Variants in GREB1 observed in about 807,000 individuals in gnomAD.
The protein encoded by GREB1 is growth regulating estrogen receptor binding 1.
Under a neutral mutation model 200.7 loss-of-function variants are expected in GREB1, and 106 were observed. The observed-to-expected ratio is 0.53, with a 90% CI of 0.45 to 0.62. GREB1 has a LOEUF of 0.62. Ranked by LOEUF, GREB1 falls within the 20% of genes least tolerant of loss-of-function variation. The pLI is 0.00. For missense variants in GREB1, 2,243 were observed against 2,556.8 expected, an observed-to-expected ratio of 0.88 and a Z score of 2.65; for synonymous variants, 1,132 against 1,092.4, an observed-to-expected ratio of 1.04 and a Z score of -0.72.
chr2:11,521,087 A>G (rs1206209292), intron 1 of GREB1, among the ~76,000 whole-genome samples: 5 of 151,968 alleles, frequency 3.3e-5, no homozygotes, highest in Non-Finnish European at 7.4e-5. Flanking sequence ...GGGAGGGATG[A>G]ATTTATGCTG....
In GREB1 at chr2:11,605,144, C is replaced by CTTTTTTTTTTTTTTTTTTTT. The variant is rs3035991; in HGVS notation, c.2666+2615_2666+2634dup. On this transcript the variant is annotated intron_variant, in intron 17 of 32. Transcript: ENST00000381486. ...TGGAGCTGGGCACCAGAGCCTGCTT[C>CTTTTTTTTTTTTTTTTTTTT]TTTTTTTTTTTTTTTTTTTTTTTTT... Among the ~76,000 whole-genome samples, 2 of 44,828 alleles carry CTTTTTTTTTTTTTTTTTTTT rather than the reference C, an allele frequency of 4.5e-5. 1 individual carries two copies. The highest frequency in any genetic ancestry group is 9.7e-5 in the Non-Finnish European group (2 of 20,584). 29.4% of individuals were successfully genotyped at this position (44,828 alleles called of 152,430 possible).
At chr2:11,571,294 A>G (rs1678259701) in intron 4 of GREB1, among the ~76,000 whole-genome samples, 1 of 152,066 alleles carries the variant, frequency 6.6e-6, no homozygotes, top group Non-Finnish European at 1.5e-5. Flanking sequence ...CATTATTTGG[A>G]AGGAACATAG....
intron 1 of GREB1, among the ~76,000 whole-genome samples, chr2:11,547,033 C>CCAA: frequency 6.6e-6 from 1 of 151,792 alleles, no homozygotes; most frequent in East Asian, 1.9e-4. Context: ...CAATCTCTGC[C>CCAA]TCCTGGGCTC....
chr2:11,637,838 C>T lies in GREB1; in HGVS notation c.5469C>T (p.His1823=). The T allele has an allele frequency of 1.2e-6, 2 of 1,614,250 alleles. No homozygotes were observed. The highest frequency in any genetic ancestry group is 2.2e-5 in the East Asian group (1 of 44,880). Residue 1823 remains histidine, a synonymous_variant, in exon 31 of 33, where the codon CAC becomes CAT. Coordinates refer to ENST00000381486, the MANE Select transcript of GREB1 (RefSeq NM_014668.4). ...AGAAGTTCCTGCAGCACCACAGCCACCTCTTCTTCCCGCTGTCCCTGAAGA... is the reference window on the plus strand; with the variant it reads ...AGAAGTTCCTGCAGCACCACAGCCATCTCTTCTTCCCGCTGTCCCTGAAGA... ...LLEKFLQHHS[H]LFFPLSLKNH... is the part of the protein sequence containing the mutation.
At position 11,598,840 on chromosome 2, in the gene GREB1, T is replaced by C. The variant is rs1206140673; in HGVS notation, c.2313T>C (p.His771=). The change falls in exon 15 of 33, where the codon CAT becomes CAC. Residue 771 remains histidine (H), a synonymous_variant. Coordinates refer to ENST00000381486, the MANE Select transcript of GREB1 (RefSeq NM_014668.4). The part of the protein sequence containing the change: ...PHTLFVLIHD[H]AHWDLVSSTV... The stretch of plus-strand genomic sequence containing the variant: ...CACTTTTTGTCCTAATCCATGACCA[T>C]GCGCACTGGGATCTTGTGAGGTTAG... 1.2e-6 allele frequency: 2 copies of C among 1,614,052 alleles called. No homozygotes were observed. Among genetic ancestry groups the C allele is most frequent in the Non-Finnish European group, 1.7e-6 (2 of 1,179,908 alleles).
chr2:11,564,278 C>T (rs1295950119), intron 3 of GREB1, among the ~76,000 whole-genome samples: 1 of 152,100 alleles, frequency 6.6e-6, no homozygotes, highest in East Asian at 1.9e-4. Context: ...GGACTCGGCC[C>T]TCGATGGGCT....
chr2:11,569,647 A>G (rs1678058980), intron 4 of GREB1, among the ~76,000 whole-genome samples: 2 of 152,372 alleles, frequency 1.3e-5, no homozygotes, highest in African/African-American at 4.8e-5. Flanking sequence ...AAAATAGCCA[A>G]TGCAGTGGGT....
At chr2:11,632,251 G>A in intron 27 of GREB1, 138 bp downstream of exon 27, 1 of 631,886 alleles carries the variant, frequency 1.6e-6, no homozygotes, top group Non-Finnish European at 2.8e-6. Context: ...CATTTTGTCT[G>A]ACTTTTTTAT....
At chr2:11,573,961 G>C (rs79412113) in intron 4 of GREB1, among the ~76,000 whole-genome samples, 2,016 of 152,320 alleles carry the variant, frequency 0.013, 36 homozygotes, top group African/African-American at 0.045. Flanking sequence ...TCTGTTTCCT[G>C]TTCATCCATC....
intron 4 of GREB1, among the ~76,000 whole-genome samples, chr2:11,572,939 T>C (rs1678458717): frequency 6.6e-6 from 1 of 152,156 alleles, no homozygotes; most frequent in Non-Finnish European, 1.5e-5. Context: ...GATTGTTTTG[T>C]TGGGCTTCAT....
intron 7 of GREB1, among the ~76,000 whole-genome samples, chr2:11,582,062 C>CA (rs112777493): frequency 0.2 from 29,719 of 152,064 alleles, 4,023 homozygotes; most frequent in African/African-American, 0.39. Flanking sequence ...GCTTCTCTGC[C>CA]GGTGCTGCAT....
chr2:11,632,069 A>T lies in GREB1; in HGVS notation c.4772A>T (p.His1591Leu). The change falls in exon 27 of 33, where the codon CAC (histidine) becomes CTC (leucine). Residue 1591 changes from histidine (H) to leucine (L), a missense_variant. By Grantham distance (99) the His-to-Leu change is moderately conservative. Transcript: ENST00000381486. ...ATTTATAAGAAATATTGGCCCAACCACATCATGCTGGTGCTCCCCAGTATC... is the reference window on the plus strand; with the variant it reads ...ATTTATAAGAAATATTGGCCCAACCTCATCATGCTGGTGCTCCCCAGTATC... ...MAIYKKYWPNHIMLVLPSIFN... is the reference protein window; with the variant it reads ...MAIYKKYWPNLIMLVLPSIFN... 1 of 1,614,074 alleles carries T rather than the reference A, an allele frequency of 6.2e-7. No individual in the cohort carries two copies. The highest frequency in any genetic ancestry group is 8.5e-7 in the Non-Finnish European group (1 of 1,179,970).
chr2:11,484,004 G>A (rs1413906054), intron 1 of GREB1, among the ~76,000 whole-genome samples: 3 of 152,118 alleles, frequency 2.0e-5, no homozygotes, highest in Non-Finnish European at 4.4e-5. Context: ...TATTCCCAGT[G>A]AAAGCACTTT....
intron 31 of GREB1, 46 bp from the exon 32 acceptor site, chr2:11,638,625 C>T: frequency 6.3e-7 from 1 of 1,589,452 alleles, no homozygotes; most frequent in South Asian, 1.1e-5. Context: ...TGTTACTGAG[C>T]ATTTCATAGA....
chr2:11,549,212 G>A (rs2147805120), intron 1 of GREB1, among the ~76,000 whole-genome samples: 1 of 151,912 alleles, frequency 6.6e-6, no homozygotes, highest in Admixed American at 6.6e-5. Context: ...ACTCCTTCTG[G>A]GCCTCATGGA....
chr2:11,559,337 C>T (rs963420454), intron 2 of GREB1, among the ~76,000 whole-genome samples: 1 of 152,204 alleles, frequency 6.6e-6, no homozygotes, highest in Non-Finnish European at 1.5e-5. Flanking sequence ...TTGTTGCTGG[C>T]GGATCTTCCC....
chr2:11,566,004 C>T (rs1025632023), intron 3 of GREB1, among the ~76,000 whole-genome samples: 8 of 147,176 alleles, frequency 5.4e-5, no homozygotes, highest in South Asian at 2.1e-4. Flanking sequence ...TGATCTGTGT[C>T]GTGGATAACT....
intron 10 of GREB1, among the ~76,000 whole-genome samples, chr2:11,592,329 AT>A (rs113949768): frequency 0.091 from 12,354 of 136,090 alleles, 1,428 homozygotes; most frequent in African/African-American, 0.28. Context: ...GCAAAGTAAG[AT>A]TTTTTTTTTT....
At position 11,612,617 on chromosome 2, in the gene GREB1, G is replaced by A. The variant is rs759254954; in HGVS notation, c.3122+7G>A. The A allele has an allele frequency of 1.3e-6, 2 of 1,583,654 alleles. No homozygotes were observed. The highest frequency in any genetic ancestry group is 2.2e-5 in the South Asian group (2 of 90,378). On this transcript the variant is annotated splice_region_variant and intron_variant, in intron 19 of 32. Transcript: ENST00000381486. ...ATGGGGAGTCCTTGCCGAGGTGAGT[G>A]GAGGGGTTATGCCCCTGGGGGTCTC...
Sources: gnomAD v4.1 joint callset for allele counts (sites outside exome capture counted in the v4.1 genomes callset) on GRCh38, gnomAD v4.1.1 for gene constraint, MANE v1.5 for transcripts, NCBI Gene and HGNC (gene_info 2026-07-23, HGNC 2026-07-21) for gene names.